Variants in FBXW4 observed in about 807,000 individuals in gnomAD.
FBXW4 encodes F-box/WD repeat-containing protein 4.
Under a neutral mutation model 61.8 loss-of-function variants are expected in FBXW4, and 40 were observed. That is an observed-to-expected ratio of 0.65 (90% CI 0.50 to 0.84). The LOEUF (loss-of-function observed/expected upper bound fraction) is 0.84, where lower values mean the gene tolerates loss of function less well. FBXW4 is among the 40% of genes least tolerant of loss of function. The pLI is 0.00. For synonymous variants in FBXW4, 311 were observed against 313.8 expected (o/e 0.99, Z 0.10); for missense variants, 672 against 753.8 (o/e 0.89, Z 1.27).
intron 1 of FBXW4, among the ~76,000 whole-genome samples, chr10:101,688,387 G>T (rs1258896323): frequency 6.6e-6 from 1 of 152,212 alleles, no homozygotes; most frequent in Non-Finnish European, 1.5e-5. Context: ...TTAATTGTGG[G>T]CTAAAGAGGG....
intron 5 of FBXW4, among the ~76,000 whole-genome samples, chr10:101,633,377 C>A (rs1013283331): frequency 6.6e-6 from 1 of 152,134 alleles, no homozygotes; most frequent in Non-Finnish European, 1.5e-5. Flanking sequence ...TGCATGTTCT[C>A]ATAACTGGGA....
chr10:101,658,545 G>A (rs2064212894), intron 5 of FBXW4, among the ~76,000 whole-genome samples: 4 of 152,070 alleles, frequency 2.6e-5, no homozygotes, highest in African/African-American at 9.7e-5. Context: ...ACTTCGTCTG[G>A]GTGGCAGGGG....
intron 5 of FBXW4, chr10:101,626,312 G>A (rs1260592074): frequency 5.2e-5 from 8 of 152,688 alleles, no homozygotes. Flanking sequence ...AAAGTCAGGA[G>A]GTGTTGCCCT....
rs1269327308 is a variant in FBXW4, at chr10:101,611,543, G to A, written c.1584+85C>T. On this transcript the variant is annotated intron_variant, in intron 8 of 8. Transcript: ENST00000331272. This position sits in a 1 kb window ranked among gnomAD's most constrained non-coding sequence, Gnocchi z 4.9. ...GCTTCTTCCAACCCTTTCTAGGCAC[G>A]TCCTTGGCTACCTCACCCTCTCCCA... 21 of 1,581,402 alleles carry A rather than the reference G, an allele frequency of 1.3e-5. No homozygotes were observed. The highest frequency in any genetic ancestry group is 5.8e-5 in the South Asian group (5 of 86,598).
rs537382127 is a variant in FBXW4 at position 101,673,138 on chromosome 10, T to C, written c.1008-91A>G. Reference sequence around the variant, plus strand: ...CTCCAGAAACAGCCCAAGTCTCCAGTGACATCCAAATTTGCTAAGCATTAG... The same window carrying C: ...CTCCAGAAACAGCCCAAGTCTCCAGCGACATCCAAATTTGCTAAGCATTAG... On this transcript the variant is annotated intron_variant, in intron 3 of 8. Transcript: ENST00000331272. 3.8e-5 allele frequency: 56 copies of C among 1,489,842 alleles called. 1 individual carries two copies. In the South Asian group the frequency reaches 6.8e-4, roughly 18 times the overall value. 92.3% of individuals were successfully genotyped at this position (1,489,842 alleles called of 1,614,324 possible). A position where few individuals can be genotyped will look rare whatever the true frequency, so the allele number is the denominator to read the frequency against.
At chr10:101,659,327 A>G in intron 5 of FBXW4, 1 of 937,126 alleles carries the variant, frequency 1.1e-6, no homozygotes, top group South Asian at 4.9e-5. Context: ...CAGATAAGTC[A>G]TGGATGGTTT....
intron 5 of FBXW4, among the ~76,000 whole-genome samples, chr10:101,663,729 G>A (rs1018614509): frequency 6.6e-6 from 1 of 151,676 alleles, no homozygotes; most frequent in African/African-American, 2.4e-5. Context: ...TCTGAGGCCT[G>A]TGAGCTGAAG....
rs2134931507 is a variant in FBXW4 at position 101,694,253 on chromosome 10, G to A, written c.725+128C>T. 1 of 866,470 alleles carries A rather than the reference G, an allele frequency of 1.2e-6. No homozygotes were observed. Among genetic ancestry groups the A allele is most frequent in the Middle Eastern group, 3.9e-4 (1 of 2,592 alleles). 53.7% of individuals were successfully genotyped at this position (866,470 alleles called of 1,614,324 possible). On this transcript the variant is annotated intron_variant, in intron 1 of 8. Coordinates refer to ENST00000331272, the MANE Select transcript of FBXW4 (RefSeq NM_022039.4). This position sits in a 1 kb window ranked among gnomAD's most constrained non-coding sequence, Gnocchi z 6.0. ...GTGCTCGGGAAAGGGTGTAGGCGGA[G>A]GTCAGGTGTAGGCCTAGAAACTCGG...
Position 101,611,420 on chromosome 10 carries a change from A to C in FBXW4, c.1585-10T>G, listed in dbSNP as rs371569418. On this transcript the variant is annotated splice_polypyrimidine_tract_variant and intron_variant, in intron 8 of 8. Transcript: ENST00000331272. This position sits in a 1 kb window ranked among gnomAD's most constrained non-coding sequence, Gnocchi z 4.9. ...ACGTCAGCGGGAAGGCCTGGAAGGG[A>C]GGGCACAGGAAGTGGTAAGAGCTTT... is the stretch of plus-strand genomic sequence containing the variant. 28 of 1,611,814 alleles carry C rather than the reference A, an allele frequency of 1.7e-5. No homozygotes were observed. Among genetic ancestry groups the C allele is most frequent in the Non-Finnish European group, 2.4e-5 (28 of 1,179,092 alleles).
At chr10:101,647,649 T>C (rs988790585) in intron 5 of FBXW4, among the ~76,000 whole-genome samples, 3 of 152,238 alleles carry the variant, frequency 2.0e-5, no homozygotes, top group African/African-American at 7.2e-5. Flanking sequence ...GTCATTTCAT[T>C]GGAAGCTTCC....
At chr10:101,620,568 G>T (rs1209069324) in intron 6 of FBXW4, among the ~76,000 whole-genome samples, 2 of 152,246 alleles carry the variant, frequency 1.3e-5, no homozygotes, top group African/African-American at 4.8e-5. Context: ...CCCACAGGCT[G>T]GCCAGAGCGG....
intron 6 of FBXW4, among the ~76,000 whole-genome samples, chr10:101,619,847 G>A (rs2063854607): frequency 6.6e-6 from 1 of 152,182 alleles, no homozygotes; most frequent in Non-Finnish European, 1.5e-5. Context: ...GAGGGGCTGA[G>A]GGAACAATGG....
chr10:101,635,275 T>G lies in FBXW4; in HGVS notation c.1236-10465A>C, dbSNP rs199871663. Among the ~76,000 whole-genome samples, 20 of 133,708 alleles carry G rather than the reference T, an allele frequency of 1.5e-4. No individual in the cohort carries two copies. In the East Asian group the frequency reaches 3.9e-3, roughly 26 times the overall value. 87.7% of individuals were successfully genotyped at this position (133,708 alleles called of 152,430 possible). On this transcript the variant is annotated intron_variant, in intron 5 of 8. Transcript: ENST00000331272. ...CCCCAGATAGGACCATTTAGTTGCATGAAAACAAGCTCAAGGCTCCCACTG... is the reference window on the plus strand; with the variant it reads ...CCCCAGATAGGACCATTTAGTTGCAGGAAAACAAGCTCAAGGCTCCCACTG...
chr10:101,689,356 C>T (rs940451244), intron 1 of FBXW4, among the ~76,000 whole-genome samples: 1 of 152,192 alleles, frequency 6.6e-6, no homozygotes, highest in Non-Finnish European at 1.5e-5. Context: ...GAGAAGGCTT[C>T]TTCCATTCTT....
intron 6 of FBXW4, among the ~76,000 whole-genome samples, chr10:101,613,924 C>T (rs1240822780): frequency 2.6e-5 from 4 of 152,220 alleles, no homozygotes; most frequent in African/African-American, 7.2e-5. Context: ...AGATGGCAAG[C>T]CTCTGTCTGT....
intron 5 of FBXW4, among the ~76,000 whole-genome samples, chr10:101,658,354 G>A (rs938602078): frequency 2.0e-5 from 3 of 152,178 alleles, no homozygotes; most frequent in South Asian, 2.1e-4. Flanking sequence ...AGACCAGCCT[G>A]CCCAACATGG....
intron 5 of FBXW4, among the ~76,000 whole-genome samples, chr10:101,642,133 T>C (rs1415689917): frequency 6.6e-5 from 10 of 152,122 alleles, no homozygotes; most frequent in Admixed American, 1.3e-4. Flanking sequence ...GCCATTGCAC[T>C]CCAGCTTGGG....
intron 1 of FBXW4, among the ~76,000 whole-genome samples, chr10:101,681,336 C>A (rs1201743793): frequency 6.7e-6 from 1 of 148,388 alleles, no homozygotes; most frequent in East Asian, 2.0e-4. Context: ...TGCAGTGAGC[C>A]GAGATTACAC....
chr10:101,627,181 G>T (rs1589745759), intron 5 of FBXW4, among the ~76,000 whole-genome samples: 1 of 151,920 alleles, frequency 6.6e-6, no homozygotes, highest in South Asian at 2.1e-4. Context: ...TGAACCACTG[G>T]CGCTCAGCCT....
Sources: gnomAD v4.1 joint callset for allele counts (sites outside exome capture counted in the v4.1 genomes callset) on GRCh38, gnomAD v4.1.1 for gene constraint, Gnocchi (gnomAD v3.1) non-coding constraint, MANE v1.5 for transcripts, NCBI Gene and HGNC (gene_info 2026-07-23, HGNC 2026-07-21) for gene names.